PRP4K: variants seen among roughly 807,000 people sequenced by gnomAD.
The protein encoded by PRP4K is pre-mRNA processing factor kinase PRP4K, also known as serine/threonine-protein kinase PRP4 homolog.
chr6:4,045,100 A>G, the PRP4K span, among the ~76,000 whole-genome samples: 16 of 152,110 alleles, frequency 1.1e-4, no homozygotes, highest in Admixed American at 8.5e-4. Context: ...TGACCTCGTG[A>G]TCTGCCTGTC....
the PRP4K span, among the ~76,000 whole-genome samples, chr6:4,039,688 C>T: frequency 6.6e-6 from 1 of 152,098 alleles, no homozygotes; most frequent in Non-Finnish European, 1.5e-5. Flanking sequence ...TCTGATTTAC[C>T]TTGTGTGTTC....
the PRP4K span, among the ~76,000 whole-genome samples, chr6:4,042,733 C>T: frequency 3.9e-5 from 6 of 152,192 alleles, no homozygotes; most frequent in Admixed American, 1.3e-4. Flanking sequence ...GTTACTAAAA[C>T]TGAGATGGTT....
chr6:4,047,611 CTATAT>C, the PRP4K span, among the ~76,000 whole-genome samples: 17 of 152,070 alleles, frequency 1.1e-4, no homozygotes, highest in African/African-American at 3.6e-4. Context: ...TTTGGGGCCT[CTATAT>C]TATATTAGTA....
At chr6:4,063,980 T>C in the PRP4K span, 1 of 152,070 alleles carries the variant, frequency 6.6e-6, no homozygotes, top group Non-Finnish European at 1.5e-5. Context: ...TTTTCTAGGG[T>C]TGGGAGAATA....
At chr6:4,064,196 A>G in the PRP4K span, 1 of 152,616 alleles carries the variant, frequency 6.6e-6, no homozygotes, top group South Asian at 2.1e-4. Flanking sequence ...TTGTTTTAAA[A>G]TAATAGAAAT....
At chr6:4,038,449 CT>C in the PRP4K span, among the ~76,000 whole-genome samples, 9,833 of 143,970 alleles carry the variant, frequency 0.068, 473 homozygotes, top group Middle Eastern at 0.13. Flanking sequence ...CCATGCCCAG[CT>C]TTTTTTTTTT....
At chr6:4,051,950 AT>A in the PRP4K span, 1 of 1,488,058 alleles carries the variant, frequency 6.7e-7, no homozygotes, top group South Asian at 1.3e-5. Flanking sequence ...TTTTTTTTTT[AT>A]TTTAGGCAAA....
the PRP4K span, chr6:4,032,595 C>T: frequency 8.1e-6 from 13 of 1,613,882 alleles, no homozygotes; most frequent in Middle Eastern, 4.9e-4. Flanking sequence ...TCCAAAACCA[C>T]GTGATAAATC....
chr6:4,048,322 T>C, the PRP4K span, among the ~76,000 whole-genome samples: 15 of 142,696 alleles, frequency 1.1e-4, no homozygotes, highest in East Asian at 6.1e-4. Flanking sequence ...GAGCTTGCAG[T>C]GAGCGGAGAT....
the PRP4K span, chr6:4,060,913 A>G: frequency 3.0e-6 from 1 of 333,382 alleles, no homozygotes; most frequent in Non-Finnish European, 5.5e-6. The surrounding 1 kb of genome is among the most constrained non-coding windows in gnomAD (Gnocchi z 4.7). Context: ...TGAAATGAGT[A>G]GTAATATTGG....
chr6:4,053,494 G>T, the PRP4K span, among the ~76,000 whole-genome samples: 1 of 152,084 alleles, frequency 6.6e-6, no homozygotes, highest in Non-Finnish European at 1.5e-5. Context: ...TTGTTCCCCT[G>T]TGTGTCCATG....
chr6:4,057,629 T>C, the PRP4K span, among the ~76,000 whole-genome samples: 1 of 152,192 alleles, frequency 6.6e-6, no homozygotes. Context: ...CCTTTCTTGG[T>C]ACCTTTTCTT....
chr6:4,038,393 T>C, the PRP4K span, among the ~76,000 whole-genome samples: 6,960 of 151,962 alleles, frequency 0.046, 232 homozygotes, highest in Non-Finnish European at 0.065. Context: ...TTCAAGCAAT[T>C]CTGCCTCAGC....
the PRP4K span, chr6:4,042,686 T>G: frequency 1.5e-6 from 1 of 667,054 alleles, no homozygotes; most frequent in African/African-American, 1.9e-5. Flanking sequence ...ATATATAAAA[T>G]TATCTTTGTG....
chr6:4,035,127 G>GT, the PRP4K span, among the ~76,000 whole-genome samples: 1 of 146,950 alleles, frequency 6.8e-6, no homozygotes, highest in Non-Finnish European at 1.5e-5. Flanking sequence ...GTTTTGTTTT[G>GT]TTTTTTTGAG....
the PRP4K span, among the ~76,000 whole-genome samples, chr6:4,040,526 G>T: frequency 6.6e-6 from 1 of 152,180 alleles, no homozygotes; most frequent in Non-Finnish European, 1.5e-5. Context: ...AGTTTGATAA[G>T]GAGTAGGTAT....
At chr6:4,021,504 C>T in the PRP4K span, 42 of 1,563,922 alleles carry the variant, frequency 2.7e-5, no homozygotes, top group Non-Finnish European at 3.6e-5. Flanking sequence ...AGCTGGAGCC[C>T]GGGGACTGCC....
the PRP4K span, among the ~76,000 whole-genome samples, chr6:4,057,797 C>G: frequency 7.3e-6 from 1 of 137,028 alleles, no homozygotes; most frequent in Admixed American, 8.1e-5. Flanking sequence ...CTTTGTCGCC[C>G]AGGCTGCAGT....
At chr6:4,021,397 A>T in the PRP4K span, 3 of 1,567,554 alleles carry the variant, frequency 1.9e-6, no homozygotes, top group South Asian at 1.2e-5. Context: ...AGCCGCCGCC[A>T]CCGCCGCCGA....
Sources: allele counts gnomAD v4.1 joint callset (sites outside exome capture counted in the v4.1 genomes callset), GRCh38; gene constraint gnomAD v4.1.1; non-coding constraint Gnocchi (gnomAD v3.1); transcripts MANE v1.5; gene names NCBI Gene and HGNC (gene_info 2026-07-23, HGNC 2026-07-21).